Variants in CDH19 observed in about 807,000 individuals in gnomAD.
The protein encoded by CDH19 is cadherin 19, also known as cadherin-19.
CDH19 carries 67 observed loss-of-function variants against 64.2 expected under a neutral mutation model. That is an observed-to-expected ratio of 1.04 (90% CI 0.86 to 1.28). CDH19 has a LOEUF of 1.28. CDH19 is among the 50% of genes most tolerant of loss of function. CDH19 has a pLI of 0.00. For missense variants in CDH19, 1,030 were observed against 929.0 expected (o/e 1.11, Z -1.41); for synonymous variants, 346 against 319.3 (o/e 1.08, Z -0.89).
intron 9 of CDH19, among the ~76,000 whole-genome samples, chr18:66,516,047 C>A (rs906054407): frequency 6.6e-6 from 1 of 151,868 alleles, no homozygotes; most frequent in South Asian, 2.1e-4. Flanking sequence ...GTACTTAATA[C>A]TTAAATATTG....
At chr18:66,548,665 G>C (rs2144505948) in intron 5 of CDH19, among the ~76,000 whole-genome samples, 1 of 152,244 alleles carries the variant, frequency 6.6e-6, no homozygotes, top group African/African-American at 2.4e-5. Flanking sequence ...GTTATTGATA[G>C]AAATGATCAG....
intron 9 of CDH19, among the ~76,000 whole-genome samples, chr18:66,515,536 G>C (rs977924228): frequency 1.3e-5 from 2 of 151,644 alleles, no homozygotes; most frequent in Non-Finnish European, 3.0e-5. Context: ...GGTCATTATA[G>C]CATAATATTT....
At chr18:66,569,517 C>G (rs1988033204) in intron 2 of CDH19, among the ~76,000 whole-genome samples, 1 of 151,574 alleles carries the variant, frequency 6.6e-6, no homozygotes, top group East Asian at 1.9e-4. Context: ...ACTTTCTTCT[C>G]AATATATTCT....
Position 66,501,837 on chromosome 18 carries a change from G to C in CDH19, c.*2975C>G, listed in dbSNP as rs1257156489. On this transcript the variant is annotated 3_prime_UTR_variant, in exon 12 of 12. Coordinates refer to ENST00000262150, the MANE Select transcript of CDH19 (RefSeq NM_021153.4). ...GCAGTTTAACAAATATTATATGTTC[G>C]CTTAATTGAAAGTAACTAATTCAAA... The C allele has an allele frequency of 6.6e-6, 1 of 151,984 alleles. No homozygotes were observed. The highest frequency in any genetic ancestry group is 6.6e-5 in the Admixed American group (1 of 15,224). The allele number at this position is 151,984 out of a possible 1,614,324, so 9.4% of individuals were successfully genotyped here.
At chr18:66,516,693 T>A (rs557157707) in intron 9 of CDH19, among the ~76,000 whole-genome samples, 1 of 152,182 alleles carries the variant, frequency 6.6e-6, no homozygotes, top group Admixed American at 6.6e-5. Flanking sequence ...CATTGCTGCA[T>A]ATGTGCTGTG....
At chr18:66,537,612 G>A (rs1986724704) in intron 7 of CDH19, among the ~76,000 whole-genome samples, 1 of 151,968 alleles carries the variant, frequency 6.6e-6, no homozygotes, top group South Asian at 2.1e-4. Context: ...CTAATTTTCA[G>A]TATCCATAGA....
rs757816167 is a variant in CDH19 at position 66,505,224 on chromosome 18, T to G, written c.1907A>C (p.Glu636Ala). 1 of 1,604,800 alleles carries G rather than the reference T, an allele frequency of 6.2e-7. No individual in the cohort carries two copies. The highest frequency in any genetic ancestry group is 8.5e-7 in the Non-Finnish European group (1 of 1,177,134). ...LFPEKSEDFRENIFQYDDEGG... is the reference protein window; with the variant it reads ...LFPEKSEDFRANIFQYDDEGG... ...TTCATCATCATATTGGAATATATTC[T>G]CTCTGAAATCTTCACTTTTCTCAGG... Residue 636 changes from glutamate to alanine, a missense_variant, in exon 12 of 12, where the codon GAG (glutamate) becomes GCG (alanine). Transcript: ENST00000262150.
At chr18:66,508,934 G>A (rs1985332774) in intron 11 of CDH19, 61 bp downstream of exon 11, 2 of 1,544,506 alleles carry the variant, frequency 1.3e-6, no homozygotes, top group African/African-American at 2.7e-5. Flanking sequence ...GTTCAGTTCA[G>A]CACCACCTAC....
At chr18:66,547,596 C>A (rs953497159) in intron 5 of CDH19, among the ~76,000 whole-genome samples, 3 of 147,866 alleles carry the variant, frequency 2.0e-5, no homozygotes, top group Non-Finnish European at 3.0e-5. Flanking sequence ...ATGGGAAAAT[C>A]TGTTGGAAAA....
At chr18:66,514,520 G>T (rs955056401) in intron 9 of CDH19, among the ~76,000 whole-genome samples, 3 of 151,242 alleles carry the variant, frequency 2.0e-5, no homozygotes, top group African/African-American at 7.3e-5. Context: ...CCCAAGCAAA[G>T]AATATCAAGA....
chr18:66,539,691 T>G (rs932726853), intron 7 of CDH19, among the ~76,000 whole-genome samples: 4 of 152,070 alleles, frequency 2.6e-5, no homozygotes, highest in Admixed American at 6.6e-5. Context: ...ATTTTCATAT[T>G]TGTTTATGAG....
chr18:66,549,333 A>G (rs1987254551), intron 5 of CDH19, among the ~76,000 whole-genome samples: 2 of 152,194 alleles, frequency 1.3e-5, no homozygotes, highest in South Asian at 4.1e-4. Flanking sequence ...AGAGTCTTCT[A>G]CTTGCTATTT....
chr18:66,510,797 G>A (rs1485949676), intron 10 of CDH19, among the ~76,000 whole-genome samples: 2 of 151,362 alleles, frequency 1.3e-5, no homozygotes, highest in Non-Finnish European at 3.0e-5. Flanking sequence ...GAAAGGTGTT[G>A]CATTTACTCT....
intron 7 of CDH19, among the ~76,000 whole-genome samples, chr18:66,541,491 T>C (rs907222084): frequency 6.6e-6 from 1 of 151,978 alleles, no homozygotes; most frequent in East Asian, 1.9e-4. Context: ...AAGAGATAAA[T>C]AAAGAAAACC....
intron 1 of CDH19, among the ~76,000 whole-genome samples, chr18:66,590,341 G>A (rs1198763383): frequency 6.6e-6 from 1 of 151,682 alleles, no homozygotes; most frequent in African/African-American, 2.4e-5. Flanking sequence ...TAATTCTATA[G>A]TATATGTTCT....
intron 1 of CDH19, among the ~76,000 whole-genome samples, chr18:66,585,999 T>C (rs552745029): frequency 3.9e-5 from 6 of 152,226 alleles, no homozygotes; most frequent in Admixed American, 2.6e-4. Flanking sequence ...CTTATGCAGT[T>C]TGAAACTGAA....
Position 66,569,406 on chromosome 18 carries a change from G to A in CDH19, c.196-696C>T, listed in dbSNP as rs568848789. On this transcript the variant is annotated intron_variant, in intron 2 of 11. Transcript: ENST00000262150. ...GTAGATATAGAATTTACACCACGAG[G>A]CTATCAAATCTTCTATGAGGCTGTC... Among the ~76,000 whole-genome samples the A allele has an allele frequency of 1.7e-4, 26 of 151,320 alleles. 1 individual carries two copies. The East Asian group carries it at 5.1e-3, about 30-fold the overall frequency.
intron 9 of CDH19, among the ~76,000 whole-genome samples, chr18:66,514,384 T>G (rs1985638403): frequency 1.3e-5 from 2 of 151,402 alleles, no homozygotes; most frequent in Admixed American, 6.6e-5. Context: ...GGACCAAAAA[T>G]AATGGTTAAA....
At chr18:66,558,449 T>C (rs1326997782) in intron 3 of CDH19, among the ~76,000 whole-genome samples, 1 of 151,924 alleles carries the variant, frequency 6.6e-6, no homozygotes, top group Non-Finnish European at 1.5e-5. Context: ...GGATTGTTTC[T>C]ATGTTTTTAA....
Sources: gnomAD v4.1 joint callset for allele counts (sites outside exome capture counted in the v4.1 genomes callset) on GRCh38, gnomAD v4.1.1 for gene constraint, MANE v1.5 for transcripts, NCBI Gene and HGNC (gene_info 2026-07-23, HGNC 2026-07-21) for gene names.